Variants in DNAJC10 observed in about 807,000 individuals in gnomAD.
DNAJC10 encodes endoplasmic reticulum disulfide reductase DNAJC10.
A neutral mutation model predicts 115.0 loss-of-function variants in DNAJC10; 101 were observed. The ratio of observed to expected loss-of-function variants is 0.88; its 90% confidence interval spans 0.75 to 1.04. The LOEUF (loss-of-function observed/expected upper bound fraction) is 1.04, where lower values mean the gene tolerates loss of function less well. Ranked by LOEUF, DNAJC10 falls within the 50% of genes least tolerant of loss-of-function variation. The probability of loss-of-function intolerance (pLI) is 0.00; values close to 1 mark genes in which losing one functional copy is unlikely to be tolerated. For missense variants in DNAJC10, 981 were observed against 928.8 expected (o/e 1.06, Z -0.73); for synonymous variants, 307 against 301.5 (o/e 1.02, Z -0.19).
intron 17 of DNAJC10, 123 bp from the exon 18 acceptor site, chr2:182,756,191 A>C (rs1031298487): frequency 3.6e-6 from 3 of 831,902 alleles, no homozygotes; most frequent in Non-Finnish European, 5.2e-6. Flanking sequence ...CCAAAATTCA[A>C]AATTCTCAAT....
intron 11 of DNAJC10, among the ~76,000 whole-genome samples, chr2:182,739,149 C>G (rs1409493988): frequency 1.4e-5 from 2 of 142,976 alleles, no homozygotes; most frequent in Non-Finnish European, 3.0e-5. Context: ...ATATAGACCT[C>G]TAAGAATGTT....
chr2:182,745,973 T>C (rs1236837897), intron 14 of DNAJC10, among the ~76,000 whole-genome samples: 8 of 151,984 alleles, frequency 5.3e-5, no homozygotes, highest in African/African-American at 1.9e-4. Context: ...CACCTATGAG[T>C]GAGAACATGC....
In DNAJC10 at chr2:182,792,493, C is replaced by A. The variant is rs1215259689; in HGVS notation, c.*15361C>A. 3 of 152,168 alleles carry A rather than the reference C, an allele frequency of 2.0e-5. No individual in the cohort carries two copies. Among genetic ancestry groups the A allele is most frequent in the African/African-American group, 7.2e-5 (3 of 41,428 alleles). 9.4% of individuals were successfully genotyped at this position (152,168 alleles called of 1,614,324 possible). Reference sequence around the variant, plus strand: ...TTTGTCCCTCAATGTTCACAAAAGTCCCATCTGATAAATGTATTGTTTAAC... The same window carrying A: ...TTTGTCCCTCAATGTTCACAAAAGTACCATCTGATAAATGTATTGTTTAAC... On this transcript the variant is annotated 3_prime_UTR_variant, in exon 24 of 24. Transcript: ENST00000264065.
chr2:182,773,503 T>G (rs1463366783), intron 22 of DNAJC10, among the ~76,000 whole-genome samples: 2 of 152,232 alleles, frequency 1.3e-5, no homozygotes, highest in Non-Finnish European at 2.9e-5. Context: ...GAGTCCCATA[T>G]TTCTTGGAGG....
At chr2:182,723,530 T>C (rs1693207500) in intron 5 of DNAJC10, among the ~76,000 whole-genome samples, 1 of 152,232 alleles carries the variant, frequency 6.6e-6, no homozygotes, top group Non-Finnish European at 1.5e-5. Context: ...GGATTGTTAA[T>C]AGAATTAATG....
chr2:182,774,548 C>T (rs1328773836), intron 22 of DNAJC10, among the ~76,000 whole-genome samples: 1 of 152,212 alleles, frequency 6.6e-6, no homozygotes, highest in Non-Finnish European at 1.5e-5. Context: ...TCTCAAGCCT[C>T]CACAATGGCA....
chr2:182,762,829 C>A lies in DNAJC10; in HGVS notation c.2265+28C>A, dbSNP rs370737402. The A allele has an allele frequency of 4.4e-6, 7 of 1,599,824 alleles. No individual in the cohort carries two copies. In the East Asian group the frequency reaches 1.6e-4, roughly 36 times the overall value. ...ATGTCCAGACTTTCCTCTGTTCCTT[C>A]CCTTAGTAGGCCAAGCTCAAAAGAT... On this transcript the variant is annotated intron_variant, in intron 22 of 23. Transcript: ENST00000264065.
chr2:182,739,275 GAAA>G lies in DNAJC10; in HGVS notation c.988-1022_988-1020del, dbSNP rs551203561. On this transcript the variant is annotated intron_variant, in intron 11 of 23. Coordinates refer to ENST00000264065, the MANE Select transcript of DNAJC10 (RefSeq NM_018981.4). ...CTCATATATATATATTCAGTTTTAAGAAAAGAATCTTAGGGAAAAAACCTGAAT... is the reference window on the plus strand; with the variant it reads ...CTCATATATATATATTCAGTTTTAAGAGAATCTTAGGGAAAAAACCTGAAT... 1.2e-3 allele frequency among the ~76,000 whole-genome samples: 178 copies of G among 145,570 alleles called. 2 individuals are homozygous for G. The highest frequency in any genetic ancestry group is 4.3e-3 in the African/African-American group (170 of 39,716).
Position 182,778,417 on chromosome 2 carries a change from T to G in DNAJC10, c.*1285T>G, listed in dbSNP as rs1694764782. 1 of 152,204 alleles carries G rather than the reference T, an allele frequency of 6.6e-6. No homozygotes were observed. Among genetic ancestry groups the G allele is most frequent in the African/African-American group, 2.4e-5 (1 of 41,466 alleles). The allele number at this position is 152,204 out of a possible 1,614,324, so 9.4% of individuals were successfully genotyped here. On this transcript the variant is annotated 3_prime_UTR_variant, in exon 24 of 24. Transcript: ENST00000264065. The stretch of plus-strand genomic sequence containing the variant: ...GAATCACAAATTTGTCAGTAACATG[T>G]AGTTGTTTAGTTATAATTCAGAGTG...
chr2:182,754,414 G>C (rs288336), intron 16 of DNAJC10, among the ~76,000 whole-genome samples: 2 of 151,964 alleles, frequency 1.3e-5, no homozygotes, highest in Non-Finnish European at 1.5e-5. Flanking sequence ...TTTAGAGAGA[G>C]GCTTCCTGGG....
chr2:182,757,672 A>G lies in DNAJC10; in HGVS notation c.1810-20A>G. ...ACATATGTAAAAAGTTATGGAGGTA[A>G]TCTGTTTTTTCTTTTACAGACATTA... On this transcript the variant is annotated intron_variant, in intron 18 of 23. Coordinates refer to ENST00000264065, the MANE Select transcript of DNAJC10 (RefSeq NM_018981.4). 6.7e-7 allele frequency: 1 copy of G among 1,486,700 alleles called. No individual in the cohort carries two copies. Among genetic ancestry groups the G allele is most frequent in the Non-Finnish European group, 9.0e-7 (1 of 1,116,910 alleles). 92.1% of individuals were successfully genotyped at this position (1,486,700 alleles called of 1,614,324 possible).
rs941626639 is a variant in DNAJC10, at chr2:182,780,025, A to ATG, written c.*2894_*2895dup. 1.3e-5 allele frequency: 2 copies of ATG among 152,228 alleles called. No homozygotes were observed. The allele number at this position is 152,228 out of a possible 1,614,324, so 9.4% of individuals were successfully genotyped here. ...AATAATAAAAGATTAAATTAACAAAATGCATTTTAAATTTTTATGATACCT... is the reference window on the plus strand; with the variant it reads ...AATAATAAAAGATTAAATTAACAAAATGTGCATTTTAAATTTTTATGATACCT... On this transcript the variant is annotated 3_prime_UTR_variant, in exon 24 of 24. Transcript: ENST00000264065.
chr2:182,772,512 A>G (rs1482466179), intron 22 of DNAJC10, among the ~76,000 whole-genome samples: 1 of 152,190 alleles, frequency 6.6e-6, no homozygotes, highest in Non-Finnish European at 1.5e-5. Context: ...TATTGGGTCC[A>G]TATATATTTA....
chr2:182,727,174 A>T (rs554949561), intron 5 of DNAJC10, among the ~76,000 whole-genome samples: 70 of 152,026 alleles, frequency 4.6e-4, no homozygotes, highest in African/African-American at 1.6e-3. Flanking sequence ...GATACTTGCT[A>T]TGTTGTGATT....
intron 19 of DNAJC10, among the ~76,000 whole-genome samples, chr2:182,758,052 G>A (rs1436181984): frequency 1.3e-5 from 2 of 152,096 alleles, no homozygotes; most frequent in Admixed American, 6.6e-5. Flanking sequence ...GAAAGGAAGA[G>A]CTAACATTTA....
intron 3 of DNAJC10, among the ~76,000 whole-genome samples, chr2:182,719,494 A>G (rs182064920): frequency 2.6e-5 from 4 of 151,858 alleles, no homozygotes; most frequent in South Asian, 4.2e-4. Flanking sequence ...ACCTCAAATG[A>G]TCCACCCTCC....
At chr2:182,772,020 T>C (rs1694577420) in intron 22 of DNAJC10, among the ~76,000 whole-genome samples, 1 of 152,234 alleles carries the variant, frequency 6.6e-6, no homozygotes, top group Admixed American at 6.5e-5. Flanking sequence ...GTATGTTGTG[T>C]CTTTGTTGCC....
intron 23 of DNAJC10, 42 bp downstream of exon 23, chr2:182,775,462 A>G (rs2105710880): frequency 7.7e-7 from 1 of 1,300,810 alleles, no homozygotes; most frequent in East Asian, 2.3e-5. Context: ...AAAGTTGGCA[A>G]AAGTTAGCAA....
At chr2:182,723,451 G>T (rs1029689501) in intron 5 of DNAJC10, among the ~76,000 whole-genome samples, 2 of 152,160 alleles carry the variant, frequency 1.3e-5, no homozygotes, top group African/African-American at 4.8e-5. Context: ...GTGAACACTT[G>T]AACATGTTCT....
Sources: allele counts gnomAD v4.1 joint callset (sites outside exome capture counted in the v4.1 genomes callset), GRCh38; gene constraint gnomAD v4.1.1; transcripts MANE v1.5; gene names NCBI Gene and HGNC (gene_info 2026-07-23, HGNC 2026-07-21).